CIMAP1D: variants seen among roughly 807,000 people sequenced by gnomAD.
CIMAP1D encodes the protein protein CIMAP1D.
the CIMAP1D span, among the ~76,000 whole-genome samples, chr19:469,647 C>T: frequency 6.6e-6 from 1 of 152,162 alleles, no homozygotes; most frequent in East Asian, 1.9e-4. Context: ...GCCGAGATCG[C>T]ACCACTGCAC....
the CIMAP1D span, among the ~76,000 whole-genome samples, chr19:465,143 ATGGGTGGGTGGG>A: frequency 9.5e-6 from 1 of 104,976 alleles, no homozygotes; most frequent in African/African-American, 4.1e-5. Context: ...GGATGGATGG[ATGGGTGGGTGGG>A]TGGATGGCTG....
chr19:474,718 T>TG, the CIMAP1D span: 2 of 1,548,102 alleles, frequency 1.3e-6, no homozygotes, highest in East Asian at 4.9e-5. Context: ...TGGCCAGCCG[T>TG]GGGGTGGAGT....
At chr19:480,513 TG>T in the CIMAP1D span, among the ~76,000 whole-genome samples, 3 of 111,322 alleles carry the variant, frequency 2.7e-5, no homozygotes, top group Non-Finnish European at 4.9e-5. Flanking sequence ...AGAAGGATGA[TG>T]GGGAAGGATG....
At chr19:463,941 A>G in the CIMAP1D span, 1 of 1,611,340 alleles carries the variant, frequency 6.2e-7, no homozygotes, top group South Asian at 1.1e-5. Flanking sequence ...GCCCATAGAG[A>G]ACGCTGGAGC....
chr19:481,486 T>TG, the CIMAP1D span, among the ~76,000 whole-genome samples: 4 of 53,376 alleles, frequency 7.5e-5, no homozygotes, highest in Non-Finnish European at 1.0e-4. Flanking sequence ...GGAAGGATGA[T>TG]GGGAAGGATG....
chr19:480,478 GGAAGGATGATGGT>G, the CIMAP1D span, among the ~76,000 whole-genome samples: 4,672 of 126,410 alleles, frequency 0.037, 683 homozygotes, highest in African/African-American at 0.14. Flanking sequence ...AGGATGATGG[GGAAGGATGATGGT>G]AAGGATGATG....
At chr19:490,907 T>C in the CIMAP1D span, among the ~76,000 whole-genome samples, 3 of 152,382 alleles carry the variant, frequency 2.0e-5, no homozygotes, top group African/African-American at 7.2e-5. Context: ...GAGACTAGCC[T>C]GACCAATATG....
At chr19:470,270 A>G in the CIMAP1D span, among the ~76,000 whole-genome samples, 2 of 149,492 alleles carry the variant, frequency 1.3e-5, no homozygotes, top group African/African-American at 5.0e-5. Context: ...GCAGTGGCAC[A>G]GTCTCAGCTC....
the CIMAP1D span, chr19:467,706 G>A: frequency 1.8e-4 from 291 of 1,611,816 alleles, no homozygotes; most frequent in African/African-American, 5.5e-4. Context: ...CGGCCAAAGC[G>A]TGTGACTTTG....
the CIMAP1D span, chr19:464,138 G>A: frequency 2.1e-6 from 1 of 474,158 alleles, no homozygotes; most frequent in Non-Finnish European, 3.8e-6. Flanking sequence ...GCGGGGGGCG[G>A]GCGGGGGGGG....
the CIMAP1D span, among the ~76,000 whole-genome samples, chr19:480,526 TGGGGAAGGATGATG>T: frequency 1.1e-5 from 1 of 88,190 alleles, no homozygotes; most frequent in African/African-American, 1.2e-4. Context: ...GGAAGGATGA[TGGGGAAGGATGATG>T]GGGAAGGATG....
chr19:480,491 T>TAAGGATGATGGAGAAGGATGATGGAG, the CIMAP1D span, among the ~76,000 whole-genome samples: 6 of 71,136 alleles, frequency 8.4e-5, no homozygotes, highest in African/African-American at 3.0e-4. Flanking sequence ...AGGATGATGG[T>TAAGGATGATGGAGAAGGATGATGGAG]AAGGATGATG....
At chr19:491,372 G>T in the CIMAP1D span, among the ~76,000 whole-genome samples, 1 of 152,188 alleles carries the variant, frequency 6.6e-6, no homozygotes, top group African/African-American at 2.4e-5. Context: ...CCCGGCGAGG[G>T]CGGTTCATAG....
At chr19:487,121 C>T in the CIMAP1D span, among the ~76,000 whole-genome samples, 1 of 152,136 alleles carries the variant, frequency 6.6e-6, no homozygotes, top group Non-Finnish European at 1.5e-5. Context: ...CCTGCCTTTT[C>T]CTTCTTCCCA....
At chr19:467,811 T>G in the CIMAP1D span, 6 of 1,230,390 alleles carry the variant, frequency 4.9e-6, no homozygotes, top group Non-Finnish European at 6.9e-6. Context: ...AGACAGTGCC[T>G]GCCCCACCGC....
At chr19:491,246 C>T in the CIMAP1D span, among the ~76,000 whole-genome samples, 1 of 152,160 alleles carries the variant, frequency 6.6e-6, no homozygotes, top group Non-Finnish European at 1.5e-5. Context: ...CACTGCACTC[C>T]AGCCTGGGCG....
At chr19:482,284 C>T in the CIMAP1D span, among the ~76,000 whole-genome samples, 82 of 152,308 alleles carry the variant, frequency 5.4e-4, no homozygotes, top group African/African-American at 1.9e-3. Context: ...GTCCACAGTT[C>T]CAGTGCTCCA....
chr19:473,030 A>G, the CIMAP1D span, among the ~76,000 whole-genome samples: 4 of 104,928 alleles, frequency 3.8e-5, no homozygotes, highest in East Asian at 2.8e-4. Flanking sequence ...ATGGTCACAG[A>G]TGGGGAAACT....
At chr19:474,827 GC>G in the CIMAP1D span, 4 of 1,250,614 alleles carry the variant, frequency 3.2e-6, no homozygotes, top group Non-Finnish European at 4.2e-6. Flanking sequence ...GCGGCCACAG[GC>G]CCAGGCACCG....
Sources: allele counts gnomAD v4.1 joint callset (sites outside exome capture counted in the v4.1 genomes callset), GRCh38; gene constraint gnomAD v4.1.1; transcripts MANE v1.5; gene names NCBI Gene and HGNC (gene_info 2026-07-23, HGNC 2026-07-21).